The following ZDHHC5 variants were observed in gnomAD, a reference collection of about 807,000 sequenced individuals.
The protein encoded by ZDHHC5 is palmitoyltransferase ZDHHC5.
ZDHHC5 carries 22 observed loss-of-function variants against 70.0 expected under a neutral mutation model. That is an observed-to-expected ratio of 0.31 (90% CI 0.22 to 0.45). ZDHHC5 has a LOEUF of 0.45. Among genes scored for constraint, ZDHHC5 ranks in the 20% least tolerant of loss-of-function variants. ZDHHC5 has a pLI of 1.00. For synonymous variants in ZDHHC5, 313 were observed against 347.8 expected, an observed-to-expected ratio of 0.90 and a Z score of 1.11; for missense variants, 746 against 926.9, an observed-to-expected ratio of 0.80 and a Z score of 2.53.
intron 6 of ZDHHC5, among the ~76,000 whole-genome samples, chr11:57,691,300 G>A (rs986041166): frequency 1.3e-5 from 2 of 152,068 alleles, no homozygotes; most frequent in Non-Finnish European, 2.9e-5. Flanking sequence ...TCGAACTCCC[G>A]ACCTCAGGTG....
At position 57,700,305 on chromosome 11, in the gene ZDHHC5, T is replaced by G; in HGVS notation, c.*274T>G. ...ACTCAGTGGACATTTGTGCAATTGC[T>G]CGCCCTGGAGGGAACCAGATCATTT... On this transcript the variant is annotated 3_prime_UTR_variant, in exon 12 of 12. Coordinates refer to ENST00000287169, the MANE Select transcript of ZDHHC5 (RefSeq NM_015457.3). 3.2e-6 allele frequency: 1 copy of G among 315,042 alleles called. No individual in the cohort carries two copies. The allele number at this position is 315,042 out of a possible 1,614,324, so 19.5% of individuals were successfully genotyped here.
intron 4 of ZDHHC5, 89 bp from the exon 5 acceptor site, chr11:57,689,942 A>G: frequency 6.9e-7 from 1 of 1,457,142 alleles, no homozygotes; most frequent in Non-Finnish European, 9.4e-7. Context: ...CATGATCAAA[A>G]CTTAGCTGCC....
At chr11:57,678,304 AG>A (rs1328742729) in intron 2 of ZDHHC5, among the ~76,000 whole-genome samples, 1 of 152,116 alleles carries the variant, frequency 6.6e-6, no homozygotes, top group Non-Finnish European at 1.5e-5. Flanking sequence ...CAAGCCAGCT[AG>A]TTTAAAAAGA....
chr11:57,681,319 TC>T (rs1301403008), intron 2 of ZDHHC5, among the ~76,000 whole-genome samples: 1 of 152,198 alleles, frequency 6.6e-6, no homozygotes, highest in Admixed American at 6.5e-5. Flanking sequence ...GTCCTCTTCT[TC>T]CTTTCCTTCA....
intron 2 of ZDHHC5, among the ~76,000 whole-genome samples, chr11:57,678,842 C>G (rs527891862): frequency 2.6e-5 from 4 of 152,072 alleles, no homozygotes; most frequent in East Asian, 3.9e-4. Context: ...GGTGACAGAG[C>G]GAGACCCTGT....
chr11:57,682,289 A>G, intron 2 of ZDHHC5, 133 bp from the exon 3 acceptor site: 1 of 1,226,840 alleles, frequency 8.2e-7, no homozygotes, highest in South Asian at 1.7e-5. Flanking sequence ...AAAGATAATA[A>G]TTTGGGATGG....
At chr11:57,678,142 C>T (rs1946096516) in intron 2 of ZDHHC5, among the ~76,000 whole-genome samples, 1 of 152,148 alleles carries the variant, frequency 6.6e-6, no homozygotes, top group Non-Finnish European at 1.5e-5. Flanking sequence ...TAGACCTATT[C>T]TTTAGGAGCT....
chr11:57,695,872 A>G (rs1402172399), intron 8 of ZDHHC5, 48 bp from the exon 9 acceptor site: 1 of 1,598,054 alleles, frequency 6.3e-7, no homozygotes, highest in African/African-American at 1.3e-5. Context: ...TTGAGTTGCC[A>G]TAATGCTCAA....
intron 2 of ZDHHC5, among the ~76,000 whole-genome samples, chr11:57,674,866 C>T (rs180882287): frequency 3.3e-5 from 5 of 152,266 alleles, no homozygotes; most frequent in African/African-American, 1.2e-4. Context: ...GATTTTTTGG[C>T]CCCCAGCTCT....
At chr11:57,695,250 A>C (rs547481343) in intron 8 of ZDHHC5, among the ~76,000 whole-genome samples, 12 of 151,994 alleles carry the variant, frequency 7.9e-5, no homozygotes, top group Non-Finnish European at 1.3e-4. Flanking sequence ...AACAAGACCG[A>C]AACTCCATCT....
At chr11:57,696,944 C>A in intron 10 of ZDHHC5, 71 bp downstream of exon 10, 1 of 1,513,980 alleles carries the variant, frequency 6.6e-7, no homozygotes, top group South Asian at 1.2e-5. Flanking sequence ...TTCCTGTAAT[C>A]CCAGCACTTT....
intron 8 of ZDHHC5, 24 bp downstream of exon 8, chr11:57,693,939 C>A: frequency 6.3e-7 from 1 of 1,596,046 alleles, no homozygotes; most frequent in East Asian, 2.2e-5. Flanking sequence ...AGAAGTCAAG[C>A]TAGATAACAT....
rs1276192797 is a variant in ZDHHC5 at position 57,672,088 on chromosome 11, T to C, written c.-1003T>C. On this transcript the variant is annotated 5_prime_UTR_variant, in exon 2 of 12. Coordinates refer to ENST00000287169, the MANE Select transcript of ZDHHC5 (RefSeq NM_015457.3). ...GAAGACTGAAGAAAGATAAGAGACA[T>C]TGACTAGTCTGGAAACAGGGACATC... 3 of 393,716 alleles carry C rather than the reference T, an allele frequency of 7.6e-6. No individual in the cohort carries two copies. Among genetic ancestry groups the C allele is most frequent in the Non-Finnish European group, 4.5e-6 (1 of 223,584 alleles). 24.4% of individuals were successfully genotyped at this position (393,716 alleles called of 1,614,324 possible).
intron 4 of ZDHHC5, among the ~76,000 whole-genome samples, chr11:57,689,379 A>T (rs528432905): frequency 4.6e-5 from 7 of 151,126 alleles, no homozygotes; most frequent in Non-Finnish European, 1.0e-4. Context: ...ATATATATAT[A>T]TATTTATTTA....
intron 2 of ZDHHC5, among the ~76,000 whole-genome samples, chr11:57,678,570 CAAAAAA>C (rs34342337): frequency 9.9e-6 from 1 of 101,468 alleles, no homozygotes; most frequent in Non-Finnish European, 2.0e-5. Flanking sequence ...AACTCTGTCT[CAAAAAA>C]AAAAAAAAAA....
At chr11:57,684,341 T>C (rs550579970) in intron 3 of ZDHHC5, among the ~76,000 whole-genome samples, 4 of 152,174 alleles carry the variant, frequency 2.6e-5, no homozygotes, top group Non-Finnish European at 5.9e-5. Flanking sequence ...CCCAGCACTT[T>C]GGGAGGCTGA....
intron 3 of ZDHHC5, among the ~76,000 whole-genome samples, chr11:57,685,271 A>G (rs2135390600): frequency 6.6e-6 from 1 of 152,364 alleles, no homozygotes; most frequent in East Asian, 1.9e-4. Flanking sequence ...AAGAAAGGCT[A>G]TTTTAATGAG....
At chr11:57,674,289 G>A (rs1451424442) in intron 2 of ZDHHC5, among the ~76,000 whole-genome samples, 1 of 150,756 alleles carries the variant, frequency 6.6e-6, no homozygotes, top group African/African-American at 2.4e-5. Context: ...AAGAGACTGA[G>A]TGATTTAAAC....
intron 11 of ZDHHC5, 119 bp from the exon 12 acceptor site, chr11:57,699,747 T>C: frequency 7.5e-7 from 1 of 1,332,440 alleles, no homozygotes; most frequent in East Asian, 2.5e-5. Flanking sequence ...AATGTTTGGG[T>C]AAGAAAGTAT....
Sources: gnomAD v4.1 joint callset for allele counts (sites outside exome capture counted in the v4.1 genomes callset) on GRCh38, gnomAD v4.1.1 for gene constraint, MANE v1.5 for transcripts, NCBI Gene and HGNC (gene_info 2026-07-23, HGNC 2026-07-21) for gene names.